ASB3: variants seen among roughly 807,000 people sequenced by gnomAD.
ASB3 encodes the protein ankyrin repeat and SOCS box protein 3.
In ASB3, 41 loss-of-function variants were observed where a neutral mutation model predicts 54.5. The ratio of observed to expected loss-of-function variants is 0.75; its 90% confidence interval spans 0.59 to 0.98. ASB3 has a LOEUF of 0.98. Among genes scored for constraint, ASB3 ranks in the 50% least tolerant of loss-of-function variants. The pLI is 0.00. For synonymous variants in ASB3, 266 were observed against 221.2 expected (o/e 1.20, Z -1.80); for missense variants, 733 against 620.0 (o/e 1.18, Z -1.94).
At chr2:53,738,730 G>C (rs1164749797) in intron 3 of ASB3, among the ~76,000 whole-genome samples, 2 of 152,166 alleles carry the variant, frequency 1.3e-5, no homozygotes, top group African/African-American at 2.4e-5. Flanking sequence ...GAAAGATAAG[G>C]TGTAATTCTA....
rs1414161960 is a variant in ASB3 at position 53,693,869 on chromosome 2, G to C, written c.1369+15C>G. On this transcript the variant is annotated intron_variant, in intron 9 of 9. Coordinates refer to ENST00000263634, the MANE Select transcript of ASB3 (RefSeq NM_016115.5). ...GAAAAGTAGTGAAGTGTGTTTAAAA[G>C]TTATTCTTTCTTACCAATATGTTGC... The C allele has an allele frequency of 6.2e-7, 1 of 1,611,558 alleles. No individual in the cohort carries two copies. Among genetic ancestry groups the C allele is most frequent in the Admixed American group, 1.7e-5 (1 of 59,780 alleles).
intron 3 of ASB3, among the ~76,000 whole-genome samples, chr2:53,742,342 T>C (rs1411988175): frequency 1.3e-5 from 2 of 152,170 alleles, no homozygotes; most frequent in African/African-American, 4.8e-5. Flanking sequence ...AACTCACATA[T>C]TCCCAAGATG....
intron 7 of ASB3, among the ~76,000 whole-genome samples, chr2:53,707,961 C>CA (rs199571236): frequency 0.13 from 15,082 of 113,574 alleles, 940 homozygotes; most frequent in Admixed American, 0.19. Context: ...GACTCTGTCT[C>CA]AAAAAAAAAA....
At chr2:53,707,438 T>A (rs1669843230) in intron 7 of ASB3, among the ~76,000 whole-genome samples, 1 of 150,282 alleles carries the variant, frequency 6.7e-6, no homozygotes, top group Non-Finnish European at 1.5e-5. Flanking sequence ...AGCTCAGGAG[T>A]TGGAGACCAT....
intron 7 of ASB3, among the ~76,000 whole-genome samples, chr2:53,704,436 T>C (rs1234875173): frequency 6.6e-6 from 1 of 152,156 alleles, no homozygotes; most frequent in Non-Finnish European, 1.5e-5. Context: ...TTGTCCTTGC[T>C]TTATAATTGG....
chr2:53,758,393 C>T (rs1398025578), intron 2 of ASB3, among the ~76,000 whole-genome samples: 1 of 152,190 alleles, frequency 6.6e-6, no homozygotes, highest in African/African-American at 2.4e-5. Flanking sequence ...AGGACAAAGG[C>T]CCTAGTGGGC....
chr2:53,749,576 G>C (rs1253690769), intron 3 of ASB3, among the ~76,000 whole-genome samples: 10 of 152,094 alleles, frequency 6.6e-5, no homozygotes, highest in Non-Finnish European at 1.2e-4. Context: ...TGGATAAACT[G>C]TATCACATCT....
At chr2:53,680,318 A>G (rs1668301214) in intron 9 of ASB3, among the ~76,000 whole-genome samples, 1 of 152,242 alleles carries the variant, frequency 6.6e-6, no homozygotes, top group Non-Finnish European at 1.5e-5. Flanking sequence ...AGGAATTGCC[A>G]CACTGTCTTC....
At chr2:53,683,610 C>T (rs1668492392) in intron 9 of ASB3, among the ~76,000 whole-genome samples, 1 of 151,048 alleles carries the variant, frequency 6.6e-6, no homozygotes, top group African/African-American at 2.4e-5. Flanking sequence ...AGGTCCTGAA[C>T]TTTTTTTTTG....
At position 53,770,178 on chromosome 2, in the gene ASB3, G is replaced by A. The variant is rs569193673; in HGVS notation, c.-13-4593C>T. Among the ~76,000 whole-genome samples, 191 of 152,142 alleles carry A rather than the reference G, an allele frequency of 1.3e-3. 1 individual carries two copies. Among genetic ancestry groups the A allele is most frequent in the Admixed American group, 2.8e-3 (43 of 15,282 alleles). Reference sequence around the variant, plus strand: ...AGAAATCTAAATGTCCAAGAACACAGGAACGTTTATAGTTCATCAATGACA... The same window carrying A: ...AGAAATCTAAATGTCCAAGAACACAAGAACGTTTATAGTTCATCAATGACA... On this transcript the variant is annotated intron_variant, in intron 1 of 9. Transcript: ENST00000263634.
chr2:53,691,944 G>A lies in ASB3; in HGVS notation c.1369+1940C>T, dbSNP rs1161789400. 2.0e-5 allele frequency among the ~76,000 whole-genome samples: 3 copies of A among 152,188 alleles called. No individual in the cohort carries two copies. The East Asian group carries it at 5.8e-4, about 29-fold the overall frequency. ...GGAGAGGGATAAAAAGCCTTTCCAC[G>A]ATAGGACAACACAAGAGTCACTGTG... On this transcript the variant is annotated intron_variant, in intron 9 of 9. Transcript: ENST00000263634.
intron 1 of ASB3, among the ~76,000 whole-genome samples, chr2:53,782,394 A>G (rs1291946125): frequency 6.6e-6 from 1 of 152,144 alleles, no homozygotes; most frequent in Non-Finnish European, 1.5e-5. Flanking sequence ...GGCTATAGCA[A>G]TGTAGAAGAC....
chr2:53,694,903 G>A (rs751509456), intron 8 of ASB3, among the ~76,000 whole-genome samples: 1 of 152,084 alleles, frequency 6.6e-6, no homozygotes, highest in Non-Finnish European at 1.5e-5. Flanking sequence ...GGTATTACCA[G>A]AAACGATTTG....
chr2:53,741,265 G>T (rs888575070), intron 3 of ASB3, among the ~76,000 whole-genome samples: 1 of 152,178 alleles, frequency 6.6e-6, no homozygotes, highest in South Asian at 2.1e-4. Context: ...GAAGAATGAA[G>T]AGACAATTGC....
chr2:53,765,994 G>C (rs1362041283), intron 1 of ASB3, among the ~76,000 whole-genome samples: 2 of 152,104 alleles, frequency 1.3e-5, no homozygotes, highest in African/African-American at 4.8e-5. Context: ...ATTATGCAGA[G>C]ATGGCCATTC....
intron 1 of ASB3, among the ~76,000 whole-genome samples, chr2:53,785,199 A>G (rs1251778160): frequency 6.6e-6 from 1 of 152,242 alleles, no homozygotes; most frequent in African/African-American, 2.4e-5. Flanking sequence ...CACATCCTAC[A>G]GGTATTGTCT....
intron 9 of ASB3, among the ~76,000 whole-genome samples, chr2:53,679,680 C>T (rs1668260661): frequency 6.6e-6 from 1 of 152,188 alleles, no homozygotes; most frequent in Non-Finnish European, 1.5e-5. Context: ...ACCCTGAATC[C>T]TTCCCTTTTA....
chr2:53,767,608 G>A, intron 1 of ASB3: 1 of 398,432 alleles, frequency 2.5e-6, no homozygotes, highest in Non-Finnish European at 4.6e-6. Context: ...GGCACTAAAG[G>A]TAGGTTAGGG....
At chr2:53,769,479 A>AT (rs764341553) in intron 1 of ASB3, among the ~76,000 whole-genome samples, 154 of 152,364 alleles carry the variant, frequency 1.0e-3, no homozygotes, top group Non-Finnish European at 1.4e-3. Flanking sequence ...ACACATTGAG[A>AT]TATGTATGCT....
Sources: gnomAD v4.1 joint callset for allele counts (sites outside exome capture counted in the v4.1 genomes callset) on GRCh38, gnomAD v4.1.1 for gene constraint, MANE v1.5 for transcripts, NCBI Gene and HGNC (gene_info 2026-07-23, HGNC 2026-07-21) for gene names.